YAF2: variants seen among roughly 807,000 people sequenced by gnomAD.
YAF2 encodes YY1 associated factor 2, also known as YY1-associated factor 2.
A neutral mutation model predicts 20.1 loss-of-function variants in YAF2; 7 were observed. The ratio of observed to expected loss-of-function variants is 0.35; its 90% CI spans 0.20 to 0.65. YAF2 has a LOEUF of 0.65. Ranked by LOEUF, YAF2 falls within the 30% of genes least tolerant of loss-of-function variation. The pLI is 0.69. For synonymous variants in YAF2, 74 were observed against 76.0 expected (o/e 0.97, Z 0.14); for missense variants, 151 against 219.2 (o/e 0.69, Z 1.96).
At chr12:42,174,829 A>G (rs569272996) in intron 2 of YAF2, among the ~76,000 whole-genome samples, 1 of 152,360 alleles carries the variant, frequency 6.6e-6, no homozygotes, top group Admixed American at 6.5e-5. Flanking sequence ...TATAAATAGA[A>G]TATTTGTAAA....
At chr12:42,213,080 A>C (rs1191766830) in intron 2 of YAF2, among the ~76,000 whole-genome samples, 1 of 152,234 alleles carries the variant, frequency 6.6e-6, no homozygotes, top group Non-Finnish European at 1.5e-5. Flanking sequence ...ACGGTGGCTC[A>C]AGCCTGTAAT....
chr12:42,228,168 C>T (rs545301140), intron 2 of YAF2, among the ~76,000 whole-genome samples: 3 of 81,160 alleles, frequency 3.7e-5, no homozygotes, highest in Non-Finnish European at 7.5e-5. Flanking sequence ...GCCCCCCGCC[C>T]GGCCAGCCGC....
chr12:42,199,248 T>C (rs1307642915), intron 2 of YAF2: 2 of 1,280,902 alleles, frequency 1.6e-6, no homozygotes, highest in African/African-American at 1.5e-5. Context: ...GGCAAAAGGG[T>C]TACAGAGTAA....
chr12:42,168,024 T>TTA (rs777543437), intron 2 of YAF2, among the ~76,000 whole-genome samples: 132 of 152,290 alleles, frequency 8.7e-4, no homozygotes, highest in Non-Finnish European at 1.3e-3. Context: ...TATAAAATAC[T>TTA]TTAAGTAATA....
chr12:42,161,937 T>C (rs1157886893), intron 2 of YAF2, among the ~76,000 whole-genome samples, 172 bp from the exon 3 acceptor site: 1 of 152,208 alleles, frequency 6.6e-6, no homozygotes, highest in East Asian at 1.9e-4. Context: ...TGTATCAGTT[T>C]TTCCCGTTCA....
chr12:42,237,403 C>T lies in YAF2; in HGVS notation c.152+196G>A, dbSNP rs983252466. ...CTCTTGGCAGCAAAAAACGTTACAG[C>T]CTCTTCAATTACCCCTCACCGCAAA... On this transcript the variant is annotated intron_variant, in intron 2 of 3. Transcript: ENST00000534854. 1.4e-5 allele frequency: 18 copies of T among 1,287,356 alleles called. No individual in the cohort carries two copies. In the South Asian group the frequency reaches 3.3e-4, roughly 24 times the overall value. The allele number at this position is 1,287,356 out of a possible 1,614,324, so 79.7% of individuals were successfully genotyped here. A position where few individuals can be genotyped will look rare whatever the true frequency, so the allele number is the denominator to read the frequency against.
At chr12:42,199,761 T>C (rs1377833988) in intron 2 of YAF2, among the ~76,000 whole-genome samples, 1 of 152,094 alleles carries the variant, frequency 6.6e-6, no homozygotes, top group Admixed American at 6.6e-5. Context: ...AAACCAACTG[T>C]ACTATTCTAA....
intron 3 of YAF2, 137 bp downstream of exon 3, chr12:42,161,475 GT>G: frequency 1.0e-6 from 1 of 972,230 alleles, no homozygotes; most frequent in Non-Finnish European, 1.4e-6. Context: ...TTCAAACTCA[GT>G]AAAACCTTTC....
chr12:42,158,646 A>G lies in YAF2; in HGVS notation c.*1943T>C, dbSNP rs2065744229. 6.6e-6 allele frequency: 1 copy of G among 152,164 alleles called. No individual in the cohort carries two copies. The allele number at this position is 152,164 out of a possible 1,614,324, so 9.4% of individuals were successfully genotyped here. On this transcript the variant is annotated 3_prime_UTR_variant, in exon 4 of 4. Coordinates refer to ENST00000534854, the MANE Select transcript of YAF2 (RefSeq NM_005748.6). ...GTGTCAGTTAGCACGCTTAATCTCCATGCTACACCGTGTTCCCGTCTATGT... is the reference window on the plus strand; with the variant it reads ...GTGTCAGTTAGCACGCTTAATCTCCGTGCTACACCGTGTTCCCGTCTATGT...
intron 2 of YAF2, among the ~76,000 whole-genome samples, chr12:42,208,737 A>G (rs1227556181): frequency 6.6e-6 from 1 of 152,214 alleles, no homozygotes; most frequent in African/African-American, 2.4e-5. Flanking sequence ...CCTCAACTCT[A>G]AAGTACAGAA....
intron 2 of YAF2, chr12:42,237,287 A>G: frequency 1.7e-6 from 1 of 596,836 alleles, no homozygotes; most frequent in Non-Finnish European, 2.2e-6. Context: ...TGCAGCCAAC[A>G]TTTTTATACC....
chr12:42,235,340 C>T (rs1411921227), intron 2 of YAF2: 2 of 1,011,926 alleles, frequency 2.0e-6, no homozygotes, highest in African/African-American at 3.5e-5. Flanking sequence ...CAACACCGTT[C>T]TGCAGTCCTT....
chr12:42,186,107 C>T (rs766058855), intron 2 of YAF2, among the ~76,000 whole-genome samples: 1 of 143,814 alleles, frequency 7.0e-6, no homozygotes, highest in African/African-American at 2.6e-5. Flanking sequence ...AAGAGAATTG[C>T]TTGAACCCAG....
At chr12:42,171,313 T>G (rs1313772516) in intron 2 of YAF2, among the ~76,000 whole-genome samples, 2 of 152,014 alleles carry the variant, frequency 1.3e-5, no homozygotes. Context: ...TCTGTAATAT[T>G]CTAATATTGT....
At chr12:42,173,232 T>C (rs995587918) in intron 2 of YAF2, among the ~76,000 whole-genome samples, 35 of 152,088 alleles carry the variant, frequency 2.3e-4, no homozygotes, top group South Asian at 2.1e-4. Flanking sequence ...GCTAAGACTA[T>C]AGTCACAAAC....
At chr12:42,200,310 G>A (rs1434453193) in intron 2 of YAF2, among the ~76,000 whole-genome samples, 1 of 152,176 alleles carries the variant, frequency 6.6e-6, no homozygotes, top group Non-Finnish European at 1.5e-5. Flanking sequence ...AGATTTGCAT[G>A]TATCAACTGA....
At chr12:42,170,662 A>G (rs753636353) in intron 2 of YAF2, among the ~76,000 whole-genome samples, 7 of 151,962 alleles carry the variant, frequency 4.6e-5, no homozygotes, top group Non-Finnish European at 1.0e-4. Flanking sequence ...ACAAACAAAC[A>G]AACAAAAAAC....
intron 2 of YAF2, among the ~76,000 whole-genome samples, chr12:42,185,748 T>C (rs545905478): frequency 6.6e-6 from 1 of 152,344 alleles, no homozygotes; most frequent in African/African-American, 2.4e-5. Flanking sequence ...TATAATGCTA[T>C]TATTACACAT....
At chr12:42,233,201 T>C in intron 2 of YAF2, 1 of 985,422 alleles carries the variant, frequency 1.0e-6, no homozygotes, top group Non-Finnish European at 1.2e-6. Flanking sequence ...GAAATCTTTT[T>C]TATAGCTCTC....
Sources: allele counts gnomAD v4.1 joint callset (sites outside exome capture counted in the v4.1 genomes callset), GRCh38; gene constraint gnomAD v4.1.1; transcripts MANE v1.5; gene names NCBI Gene and HGNC (gene_info 2026-07-23, HGNC 2026-07-21).